Variants in STAC observed in about 807,000 individuals in gnomAD.
STAC encodes the protein SH3 and cysteine rich domain, also known as SH3 and cysteine-rich domain-containing protein.
In STAC, 43 loss-of-function variants were observed where a neutral mutation model predicts 48.8. That is an observed-to-expected ratio of 0.88 (90% confidence interval 0.69 to 1.14). The LOEUF is 1.14. Among genes scored for constraint, STAC ranks in the 50% most tolerant of loss-of-function variants. The pLI is 0.00. For synonymous variants in STAC, 193 were observed against 179.5 expected (o/e 1.07, Z -0.60); for missense variants, 497 against 504.0 (o/e 0.99, Z 0.13).
At chr3:36,457,290 C>A (rs1358707252) in intron 2 of STAC, among the ~76,000 whole-genome samples, 2 of 152,176 alleles carry the variant, frequency 1.3e-5, no homozygotes, top group Non-Finnish European at 2.9e-5. Context: ...TGGTCTTGGA[C>A]AACTGATTTA....
intron 10 of STAC, among the ~76,000 whole-genome samples, chr3:36,531,692 G>C (rs953095032): frequency 6.6e-6 from 1 of 152,158 alleles, no homozygotes; most frequent in African/African-American, 2.4e-5. Context: ...AAGGACTGTA[G>C]CAAAACTGGC....
chr3:36,539,754 T>G (rs971353884), intron 10 of STAC, among the ~76,000 whole-genome samples: 3 of 152,224 alleles, frequency 2.0e-5, no homozygotes, highest in Non-Finnish European at 4.4e-5. Flanking sequence ...TTCAACCTAC[T>G]GCATTCAGTA....
intron 1 of STAC, among the ~76,000 whole-genome samples, chr3:36,432,242 G>A (rs938551144): frequency 6.6e-6 from 1 of 152,150 alleles, no homozygotes; most frequent in Non-Finnish European, 1.5e-5. Flanking sequence ...TTATGGACGG[G>A]GAATTTGGGA....
chr3:36,515,718 G>A (rs1350904542), intron 8 of STAC, among the ~76,000 whole-genome samples: 1 of 152,042 alleles, frequency 6.6e-6, no homozygotes, highest in African/African-American at 2.4e-5. Flanking sequence ...GTAGGTGGAG[G>A]GATGCTTTCT....
In STAC at chr3:36,505,784, T is replaced by C. The variant is rs1490932281; in HGVS notation, c.870T>C (p.Tyr290=). The change falls in exon 8 of 11, where the codon TAT becomes TAC. Residue 290 remains tyrosine (Y), a synonymous_variant. Coordinates refer to ENST00000273183, the MANE Select transcript of STAC (RefSeq NM_003149.3). ...AAGACCCATTACAGATGAACACCTATGTTGCCTTGTACAAATTTGTACCAC... is the reference window on the plus strand; with the variant it reads ...AAGACCCATTACAGATGAACACCTACGTTGCCTTGTACAAATTTGTACCAC... ...LSKDPLQMNT[Y]VALYKFVPQE... 2 of 1,609,220 alleles carry C rather than the reference T, an allele frequency of 1.2e-6. No homozygotes were observed. Among genetic ancestry groups the C allele is most frequent in the Admixed American group, 1.7e-5 (1 of 58,982 alleles).
intron 2 of STAC, among the ~76,000 whole-genome samples, chr3:36,472,088 C>A (rs1697355443): frequency 6.6e-6 from 1 of 152,252 alleles, no homozygotes; most frequent in Non-Finnish European, 1.5e-5. Context: ...TTCCCTACAT[C>A]TTCTGAAATC....
intron 2 of STAC, among the ~76,000 whole-genome samples, chr3:36,464,694 TTTTCCATTCCTGAGTTA>T (rs1400724688): frequency 2.0e-5 from 3 of 152,146 alleles, no homozygotes; most frequent in Admixed American, 6.6e-5. Flanking sequence ...TGATGTTTGG[TTTTCCATTCCTGAGTTA>T]TTTCCATTCC....
rs11267408 is a variant in STAC at position 36,492,031 on chromosome 3, AATATAT to A, written c.688-1089_688-1084del. ...AAAAAAAAAAAAAAAAAAAAAAAAA[AATATAT>A]ATATATATATATATATATATATATA... On this transcript the variant is annotated intron_variant, in intron 5 of 10. Transcript: ENST00000273183. Among the ~76,000 whole-genome samples the A allele has an allele frequency of 3.2e-3, 53 of 16,430 alleles. 1 individual carries two copies. The highest frequency in any genetic ancestry group is 0.011 in the South Asian group (2 of 178). 10.8% of individuals were successfully genotyped at this position (16,430 alleles called of 152,430 possible). A position where few individuals can be genotyped will look rare whatever the true frequency, so the allele number is the denominator to read the frequency against.
Position 36,546,266 on chromosome 3 carries a change from C to T in STAC, c.1186C>T (p.Leu396Phe), listed in dbSNP as rs374279669. 2.5e-6 allele frequency: 4 copies of T among 1,613,932 alleles called. No homozygotes were observed. Among genetic ancestry groups the T allele is most frequent in the African/African-American group, 1.3e-5 (1 of 74,916 alleles). The change falls in exon 11 of 11, where the codon CTT becomes TTT. Residue 396 changes from leucine to phenylalanine, a missense_variant. By Grantham distance (22) the Leu-to-Phe change is conservative (BLOSUM62 0). Transcript: ENST00000273183. ...TGGAAAAAAGAAAGGCCTCATCCCC[C>T]TTGATGTACTAGAAAACATCTGATT... ...LSGKKKGLIP[L>F]DVLENI
Position 36,521,714 on chromosome 3 carries a change from T to C in STAC, c.921-6982T>C, listed in dbSNP as rs546192626. Among the ~76,000 whole-genome samples, 31 of 152,290 alleles carry C rather than the reference T, an allele frequency of 2.0e-4. No homozygotes were observed. The South Asian group carries it at 6.0e-3, about 30-fold the overall frequency. On this transcript the variant is annotated intron_variant, in intron 8 of 10. Transcript: ENST00000273183. ...CGTAAAAGGCAATGATTAGAATAAA[T>C]CTTCTAATTTACAAGTGGAAAAATG... is the stretch of plus-strand genomic sequence containing the variant.
At chr3:36,390,918 G>A (rs1699740924) in intron 1 of STAC, among the ~76,000 whole-genome samples, 1 of 152,032 alleles carries the variant, frequency 6.6e-6, no homozygotes, top group African/African-American at 2.4e-5. Flanking sequence ...ATTGGCTTGA[G>A]TCAGATTTGT....
At chr3:36,424,414 C>T (rs1700517185) in intron 1 of STAC, among the ~76,000 whole-genome samples, 1 of 152,102 alleles carries the variant, frequency 6.6e-6, no homozygotes, top group Admixed American at 6.6e-5. Flanking sequence ...AATATTTCTA[C>T]AGATAGATTG....
At chr3:36,416,604 C>A (rs971544705) in intron 1 of STAC, among the ~76,000 whole-genome samples, 2 of 152,294 alleles carry the variant, frequency 1.3e-5, no homozygotes, top group Middle Eastern at 3.4e-3. Flanking sequence ...TGCCCATCAT[C>A]TCCAGTCGGT....
At chr3:36,530,580 C>CTTTTTTTTTTTTTTTTTTTTTTTTTT (rs775751742) in intron 10 of STAC, among the ~76,000 whole-genome samples, 2 of 102,704 alleles carry the variant, frequency 1.9e-5, no homozygotes, top group African/African-American at 4.1e-5. Flanking sequence ...TTCACCTTTT[C>CTTTTTTTTTTTTTTTTTTTTTTTTTT]TTTTTTTTTT....
In STAC at chr3:36,380,754, G is replaced by GGTACC. The variant is rs946732686; in HGVS notation, c.111+2_111+6dup. 6.2e-7 allele frequency: 1 copy of GGTACC among 1,609,018 alleles called. No homozygotes were observed. Among genetic ancestry groups the GGTACC allele is most frequent in the Non-Finnish European group, 8.5e-7 (1 of 1,177,118 alleles). On this transcript the variant is annotated frameshift_variant and splice_region_variant. Coordinates refer to ENST00000273183, the MANE Select transcript of STAC (RefSeq NM_003149.3). LOFTEE classifies it high-confidence loss of function. The stretch of plus-strand genomic sequence containing the variant: ...CATCCACCAGCAGCCAGGAATCCAA[G>GGTACC]GTACCGAGCACGCTTGCCCCCAAGA...
intron 8 of STAC, among the ~76,000 whole-genome samples, chr3:36,512,117 A>G (rs971799281): frequency 1.3e-5 from 2 of 152,130 alleles, no homozygotes; most frequent in Non-Finnish European, 1.5e-5. Context: ...ATTTGTAGAG[A>G]CAATTAAGGT....
At chr3:36,388,055 A>T (rs2125613498) in intron 1 of STAC, among the ~76,000 whole-genome samples, 1 of 152,138 alleles carries the variant, frequency 6.6e-6, no homozygotes, top group African/African-American at 2.4e-5. Context: ...ATGTTTAGTG[A>T]TGTAGATCAT....
intron 6 of STAC, among the ~76,000 whole-genome samples, chr3:36,499,029 G>A (rs1698220764): frequency 6.6e-6 from 1 of 152,158 alleles, no homozygotes; most frequent in Non-Finnish European, 1.5e-5. Context: ...TGAGTTTGCT[G>A]AAAGAAAAGT....
At chr3:36,448,847 GTAAGAGGA>G (rs961814123) in intron 2 of STAC, among the ~76,000 whole-genome samples, 1 of 151,592 alleles carries the variant, frequency 6.6e-6, no homozygotes, top group Non-Finnish European at 1.5e-5. Context: ...GAAGGGTAAG[GTAAGAGGA>G]TAGCTTGAGG....
Sources: allele counts gnomAD v4.1 joint callset (sites outside exome capture counted in the v4.1 genomes callset), GRCh38; gene constraint gnomAD v4.1.1; transcripts MANE v1.5; gene names NCBI Gene and HGNC (gene_info 2026-07-23, HGNC 2026-07-21).